The following DOCK3 variants were observed in gnomAD, a reference collection of about 807,000 sequenced individuals.
The protein encoded by DOCK3 is dedicator of cytokinesis protein 3.
In DOCK3, 60 loss-of-function variants were observed where a neutral mutation model predicts 265.6. That is an observed-to-expected ratio of 0.23 (90% CI 0.18 to 0.28). DOCK3 has a LOEUF of 0.28. Among genes scored for constraint, DOCK3 ranks in the 10% least tolerant of loss-of-function variants. The probability of loss-of-function intolerance (pLI) is 1.00; values close to 1 mark genes in which losing one functional copy is unlikely to be tolerated. For missense variants in DOCK3, 1,981 were observed against 2,594.3 expected (o/e 0.76, Z 5.14); for synonymous variants, 881 against 938.0 (o/e 0.94, Z 1.11).
At chr3:51,264,306 A>T (rs1268171602) in intron 23 of DOCK3, among the ~76,000 whole-genome samples, 5 of 152,200 alleles carry the variant, frequency 3.3e-5, no homozygotes, top group Non-Finnish European at 5.9e-5. Context: ...CTCCTGAATG[A>T]CTACTGGGTA....
chr3:50,910,468 C>T (rs2049799882), intron 4 of DOCK3, among the ~76,000 whole-genome samples: 1 of 152,140 alleles, frequency 6.6e-6, no homozygotes, highest in South Asian at 2.1e-4. Context: ...AGCACAGCCC[C>T]AGGACTTGTC....
At chr3:51,185,703 A>G (rs1003146047) in intron 12 of DOCK3, among the ~76,000 whole-genome samples, 1 of 152,032 alleles carries the variant, frequency 6.6e-6, no homozygotes, top group Non-Finnish European at 1.5e-5. Context: ...TAATTGAATC[A>G]TGGGGGCGGG....
At chr3:50,971,378 G>A (rs1404004471) in intron 5 of DOCK3, among the ~76,000 whole-genome samples, 1 of 152,028 alleles carries the variant, frequency 6.6e-6, no homozygotes, top group African/African-American at 2.4e-5. Context: ...TATAATGTAT[G>A]TTGTATAGGG....
chr3:51,257,900 G>A (rs2079637735), intron 22 of DOCK3, among the ~76,000 whole-genome samples: 1 of 152,120 alleles, frequency 6.6e-6, no homozygotes, highest in Non-Finnish European at 1.5e-5. Flanking sequence ...GCATCACCTG[G>A]TCCTGACCAA....
chr3:50,972,538 T>C (rs1056510397), intron 5 of DOCK3, among the ~76,000 whole-genome samples: 1 of 152,240 alleles, frequency 6.6e-6, no homozygotes, highest in African/African-American at 2.4e-5. Context: ...CTCTTTTGTC[T>C]CAAGGGGTGC....
At chr3:50,794,719 C>T (rs1347134393) in intron 2 of DOCK3, among the ~76,000 whole-genome samples, 1 of 152,112 alleles carries the variant, frequency 6.6e-6, no homozygotes, top group Non-Finnish European at 1.5e-5. Flanking sequence ...GGGCATTTAT[C>T]CTGTTTACAT....
intron 5 of DOCK3, among the ~76,000 whole-genome samples, chr3:51,050,237 A>G (rs1042548764): frequency 1.3e-5 from 2 of 151,956 alleles, no homozygotes; most frequent in African/African-American, 4.8e-5. Flanking sequence ...CAAAAACACA[A>G]TTACCCGGAC....
intron 5 of DOCK3, among the ~76,000 whole-genome samples, chr3:51,018,485 A>T (rs545103240): frequency 1.3e-5 from 2 of 150,474 alleles, no homozygotes; most frequent in Non-Finnish European, 2.9e-5. Flanking sequence ...AGAACACCTC[A>T]TTATAAGCTA....
chr3:50,705,049 A>G (rs1237144572), intron 1 of DOCK3, among the ~76,000 whole-genome samples: 7 of 42,838 alleles, frequency 1.6e-4, no homozygotes, highest in Non-Finnish European at 3.1e-4. Flanking sequence ...TTTTTTTTTT[A>G]ATCTATTCCT....
chr3:51,224,645 T>G (rs1422086170), intron 14 of DOCK3, among the ~76,000 whole-genome samples: 16 of 152,236 alleles, frequency 1.1e-4, no homozygotes, highest in Admixed American at 6.5e-4. Flanking sequence ...TTTGGTTTCT[T>G]CAGGCTGCTA....
chr3:51,292,685 T>A lies in DOCK3; in HGVS notation c.2922+12481T>A, dbSNP rs189003291. Among the ~76,000 whole-genome samples, 1,016 of 152,140 alleles carry A rather than the reference T, an allele frequency of 6.7e-3. 6 individuals are homozygous for A. Among genetic ancestry groups the A allele is most frequent in the African/African-American group, 0.023 (949 of 41,508 alleles). On this transcript the variant is annotated intron_variant, in intron 27 of 52. Coordinates refer to ENST00000266037, the MANE Select transcript of DOCK3 (RefSeq NM_004947.5). ...AACAAAATACTTAGGGGTTAAAAAA[T>A]TTTTTTTCTTGAGACAGGGCCTCCC...
intron 16 of DOCK3, 45 bp from the exon 17 acceptor site, chr3:51,227,937 C>G: frequency 6.3e-7 from 1 of 1,578,362 alleles, no homozygotes; most frequent in South Asian, 1.1e-5. Flanking sequence ...CATGAGGAAG[C>G]AGAGTGGAAG....
intron 5 of DOCK3, among the ~76,000 whole-genome samples, chr3:51,042,807 G>A (rs1450477248): frequency 6.6e-6 from 1 of 152,056 alleles, no homozygotes; most frequent in Non-Finnish European, 1.5e-5. Context: ...CAGTAGTAGA[G>A]CCAAGAGCCA....
intron 7 of DOCK3, among the ~76,000 whole-genome samples, chr3:51,086,111 T>G (rs1462208557): frequency 6.6e-6 from 1 of 152,208 alleles, no homozygotes; most frequent in Non-Finnish European, 1.5e-5. Context: ...AGCAAGCCAG[T>G]GATAAGCATT....
At chr3:51,019,434 A>G (rs981383256) in intron 5 of DOCK3, among the ~76,000 whole-genome samples, 14 of 151,618 alleles carry the variant, frequency 9.2e-5, no homozygotes, top group African/African-American at 2.9e-4. Flanking sequence ...ATTCTGTTTT[A>G]TTTCATTAGT....
intron 24 of DOCK3, among the ~76,000 whole-genome samples, 171 bp from the exon 25 acceptor site, chr3:51,274,908 C>T (rs1333618794): frequency 6.6e-6 from 1 of 152,134 alleles, no homozygotes; most frequent in Non-Finnish European, 1.5e-5. Context: ...GGCTTATAAT[C>T]TCCAGGCAGT....
intron 2 of DOCK3, among the ~76,000 whole-genome samples, chr3:50,782,130 G>A (rs1442795251): frequency 6.6e-6 from 1 of 151,966 alleles, no homozygotes; most frequent in African/African-American, 2.4e-5. Context: ...TATTCCTTCG[G>A]GTATATATGC....
At chr3:51,138,279 A>G (rs1228065731) in intron 9 of DOCK3, among the ~76,000 whole-genome samples, 3 of 152,368 alleles carry the variant, frequency 2.0e-5, no homozygotes, top group East Asian at 3.9e-4. Context: ...AATGGAAAGC[A>G]GAATTTATTT....
In DOCK3 at chr3:51,160,595, C is replaced by A. The variant is rs2086077730; in HGVS notation, c.930C>A (p.His310Gln). The A allele has an allele frequency of 1.9e-6, 3 of 1,612,914 alleles. No individual in the cohort carries two copies. Among genetic ancestry groups the A allele is most frequent in the Non-Finnish European group, 1.7e-6 (2 of 1,179,408 alleles). The change falls in exon 12 of 53, where the codon CAC (histidine) becomes CAA (glutamine). Residue 310 changes from histidine (H) to glutamine (Q), a missense_variant. Around this residue, in one of 4 missense-constraint regions of DOCK3, gnomAD observed 456 missense variants for 539.0 expected, o/e 0.85. Transcript: ENST00000266037. The stretch of plus-strand genomic sequence containing the variant: ...ACGACTCAAAGAAAGGTCCTCCTCA[C>A]CTGCACTACAGGCGACCATATGGCT... ...LLNDSKKGPP[H>Q]LHYRRPYGCA...
Sources: allele counts gnomAD v4.1 joint callset (sites outside exome capture counted in the v4.1 genomes callset), GRCh38; gene constraint gnomAD v4.1.1; regional missense constraint gnomAD v4.1.1; transcripts MANE v1.5; gene names NCBI Gene and HGNC (gene_info 2026-07-23, HGNC 2026-07-21).